The following DENND4C variants were observed in gnomAD, a reference collection of about 807,000 sequenced individuals.
DENND4C encodes DENN domain-containing protein 4C.
In DENND4C, 108 loss-of-function variants were observed where a neutral mutation model predicts 203.0. The observed-to-expected ratio is 0.53, with a 90% CI of 0.46 to 0.62. The LOEUF (loss-of-function observed/expected upper bound fraction) is 0.62. Ranked by LOEUF, DENND4C falls within the 20% of genes least tolerant of loss-of-function variation. The pLI, the probability that DENND4C is intolerant of heterozygous loss-of-function variation, is 0.00. For missense variants in DENND4C, 2,481 were observed against 2,301.2 expected, an observed-to-expected ratio of 1.08 and a Z score of -1.60; for synonymous variants, 871 against 792.4, an observed-to-expected ratio of 1.10 and a Z score of -1.67.
intron 30 of DENND4C, among the ~76,000 whole-genome samples, chr9:19,362,571 G>T (rs933565859): frequency 1.3e-5 from 2 of 151,868 alleles, no homozygotes; most frequent in Non-Finnish European, 2.9e-5. Context: ...ACACACAAAT[G>T]AAAAAGTGGT....
intron 22 of DENND4C, among the ~76,000 whole-genome samples, chr9:19,345,224 C>G (rs1822590500): frequency 6.6e-6 from 1 of 152,164 alleles, no homozygotes; most frequent in Non-Finnish European, 1.5e-5. Context: ...CTTTCTTTTT[C>G]CAAAGCTGGG....
At chr9:19,236,550 G>A (rs986147820) in intron 1 of DENND4C, among the ~76,000 whole-genome samples, 2 of 152,180 alleles carry the variant, frequency 1.3e-5, no homozygotes, top group Admixed American at 1.3e-4. Flanking sequence ...GGGAGCTATT[G>A]GAAGATTTAA....
intron 20 of DENND4C, among the ~76,000 whole-genome samples, chr9:19,340,388 G>T (rs1025695616): frequency 2.0e-5 from 3 of 152,090 alleles, no homozygotes. Context: ...CTTTCAGTGT[G>T]ATTATGTTAT....
At chr9:19,300,738 A>G (rs1250847833) in intron 9 of DENND4C, among the ~76,000 whole-genome samples, 1 of 152,232 alleles carries the variant, frequency 6.6e-6, no homozygotes, top group East Asian at 1.9e-4. Flanking sequence ...AATCAGTAAT[A>G]TACAGGAAAT....
chr9:19,288,591 T>C lies in DENND4C; in HGVS notation c.559-5T>C. On this transcript the variant is annotated splice_region_variant and splice_polypyrimidine_tract_variant and intron_variant, in intron 3 of 32. Transcript: ENST00000434457. ...TTTTTTATAAACCTAATTCATGTTT[T>C]ACAGTGGGGTTCCAGCGTGTTTCTG... 4 of 1,231,020 alleles carry C rather than the reference T, an allele frequency of 3.2e-6. No individual in the cohort carries two copies. Among genetic ancestry groups the C allele is most frequent in the Non-Finnish European group, 4.1e-6 (4 of 987,040 alleles). The allele number at this position is 1,231,020 out of a possible 1,614,324, so 76.3% of individuals were successfully genotyped here.
intron 1 of DENND4C, among the ~76,000 whole-genome samples, chr9:19,236,874 A>G (rs1822098413): frequency 6.6e-6 from 1 of 152,350 alleles, no homozygotes; most frequent in Non-Finnish European, 1.5e-5. Context: ...TTTCTAAAAG[A>G]TCATTTCTGG....
At chr9:19,321,633 T>A (rs1393912624) in intron 12 of DENND4C, among the ~76,000 whole-genome samples, 2 of 151,378 alleles carry the variant, frequency 1.3e-5, no homozygotes, top group Non-Finnish European at 2.9e-5. Flanking sequence ...TCACTTGAGG[T>A]CAGGAGTTTG....
intron 12 of DENND4C, among the ~76,000 whole-genome samples, chr9:19,321,699 G>A (rs1842907607): frequency 6.6e-6 from 1 of 151,860 alleles, no homozygotes; most frequent in African/African-American, 2.4e-5. Flanking sequence ...ACAAAAATTA[G>A]CGCATGCCTG....
intron 2 of DENND4C, among the ~76,000 whole-genome samples, chr9:19,285,988 G>A (rs1338665268): frequency 6.6e-6 from 1 of 152,138 alleles, no homozygotes; most frequent in Admixed American, 6.5e-5. Flanking sequence ...AGGGAAGTGT[G>A]AGTCCTCCAA....
intron 12 of DENND4C, among the ~76,000 whole-genome samples, chr9:19,321,202 T>G (rs1588914838): frequency 2.0e-5 from 3 of 152,222 alleles, no homozygotes; most frequent in African/African-American, 7.2e-5. Context: ...CTGGAGACAT[T>G]GAAGCATGGA....
chr9:19,364,552 AG>A (rs974468205), intron 30 of DENND4C, among the ~76,000 whole-genome samples: 79 of 152,308 alleles, frequency 5.2e-4, no homozygotes, highest in Non-Finnish European at 4.4e-5. Context: ...TCACTCTAAA[AG>A]AAGGGCCACT....
chr9:19,231,307 T>C (rs1418481096), intron 1 of DENND4C, among the ~76,000 whole-genome samples: 1 of 150,856 alleles, frequency 6.6e-6, no homozygotes, highest in Non-Finnish European at 1.5e-5. Flanking sequence ...GACTGAGAAG[T>C]GTCGGGGACA....
At chr9:19,320,807 C>CT (rs1450773974) in intron 12 of DENND4C, among the ~76,000 whole-genome samples, 1 of 152,222 alleles carries the variant, frequency 6.6e-6, no homozygotes, top group Non-Finnish European at 1.5e-5. Context: ...CAGCCTTTGA[C>CT]TTACTTGGTC....
chr9:19,263,905 C>G (rs759002242), intron 1 of DENND4C, among the ~76,000 whole-genome samples: 2 of 152,016 alleles, frequency 1.3e-5, no homozygotes, highest in Non-Finnish European at 1.5e-5. Flanking sequence ...GGTGATCTGC[C>G]CGCCTTGGCC....
chr9:19,352,051 T>A lies in DENND4C; in HGVS notation c.4496-22T>A, dbSNP rs373382686. The A allele has an allele frequency of 2.8e-5, 45 of 1,579,606 alleles. No individual in the cohort carries two copies. The African/African-American group carries it at 5.9e-4, about 21-fold the overall frequency. ...CAAGGACATTCCTTACTTAAGGTAT[T>A]ACGATGTATATTCCTTTGTAGGTGA... On this transcript the variant is annotated intron_variant, in intron 24 of 32. Transcript: ENST00000434457.
intron 18 of DENND4C, 101 bp from the exon 19 acceptor site, chr9:19,336,169 G>GTATATATA: frequency 4.2e-6 from 4 of 958,510 alleles, no homozygotes; most frequent in Non-Finnish European, 4.1e-6. Flanking sequence ...TTTTATATTT[G>GTATATATA]TGTATATATA....
intron 2 of DENND4C, among the ~76,000 whole-genome samples, chr9:19,279,007 A>C (rs1390148995): frequency 6.6e-6 from 1 of 152,174 alleles, no homozygotes; most frequent in African/African-American, 2.4e-5. Context: ...ACTATTCCAG[A>C]CCTACTGAAT....
chr9:19,294,461 T>G (rs1425539415), intron 5 of DENND4C, among the ~76,000 whole-genome samples: 4 of 152,174 alleles, frequency 2.6e-5, no homozygotes, highest in Non-Finnish European at 5.9e-5. Context: ...GCTGCTGCTG[T>G]GGAAAACAGT....
intron 20 of DENND4C, among the ~76,000 whole-genome samples, chr9:19,337,927 G>A (rs1008522914): frequency 1.3e-5 from 2 of 152,138 alleles, no homozygotes; most frequent in Non-Finnish European, 2.9e-5. Context: ...AGGTTGGTTT[G>A]TAGCATCAGT....
Sources: allele counts gnomAD v4.1 joint callset (sites outside exome capture counted in the v4.1 genomes callset), GRCh38; gene constraint gnomAD v4.1.1; transcripts MANE v1.5; gene names NCBI Gene and HGNC (gene_info 2026-07-23, HGNC 2026-07-21).